Variants in PIAS1 observed in about 807,000 individuals in gnomAD.
The protein encoded by PIAS1 is protein inhibitor of activated STAT 1.
Under a neutral mutation model 71.3 loss-of-function variants are expected in PIAS1, and 6 were observed. The observed-to-expected ratio is 0.08, with a 90% CI of 0.05 to 0.17. PIAS1 has a LOEUF of 0.17. Among genes scored for constraint, PIAS1 ranks in the 10% least tolerant of loss-of-function variants. The probability of loss-of-function intolerance (pLI) is 1.00; values close to 1 mark genes in which losing one functional copy is unlikely to be tolerated. For synonymous variants in PIAS1, 303 were observed against 292.9 expected (o/e 1.03, Z -0.35); for missense variants, 555 against 793.6 (o/e 0.70, Z 3.61).
chr15:68,065,065 A>G (rs1158599876), intron 1 of PIAS1, among the ~76,000 whole-genome samples: 1 of 151,972 alleles, frequency 6.6e-6, no homozygotes, highest in East Asian at 1.9e-4. Context: ...TAAATGACAA[A>G]TCTTTTAAAG....
In PIAS1 at chr15:68,186,751, T is replaced by C. The variant is rs1174150953; in HGVS notation, c.1663-791T>C. Among the ~76,000 whole-genome samples, 1 of 152,258 alleles carries C rather than the reference T, an allele frequency of 6.6e-6. No individual in the cohort carries two copies. Among genetic ancestry groups the C allele is most frequent in the Non-Finnish European group, 1.5e-5 (1 of 68,044 alleles). On this transcript the variant is annotated intron_variant, in intron 13 of 13. Coordinates refer to ENST00000249636, the MANE Select transcript of PIAS1 (RefSeq NM_016166.3). The surrounding 1 kb of genome is among the most constrained non-coding windows in gnomAD (Gnocchi z 4.4). ...ACTGTACCTTTTCTATGTTGAGATA[T>C]ACACATACTTAGCATTGTGTTACAG...
chr15:68,068,015 T>C (rs376507036), intron 1 of PIAS1, among the ~76,000 whole-genome samples: 210 of 152,338 alleles, frequency 1.4e-3, no homozygotes, highest in African/African-American at 4.9e-3. Context: ...CCAAATTTAC[T>C]GTAGCATTCT....
chr15:68,057,760 A>T (rs2091912146), intron 1 of PIAS1, among the ~76,000 whole-genome samples: 1 of 152,288 alleles, frequency 6.6e-6, no homozygotes, highest in South Asian at 2.1e-4. Context: ...CCACATTTAG[A>T]TGGCTTTTGT....
At chr15:68,135,207 T>C (rs1249440851) in intron 2 of PIAS1, among the ~76,000 whole-genome samples, 1 of 28,614 alleles carries the variant, frequency 3.5e-5, no homozygotes, top group Non-Finnish European at 1.3e-4. Flanking sequence ...CCCCCCCACC[T>C]CCCTCCCGGA....
chr15:68,069,541 G>A (rs1442764923), intron 1 of PIAS1, among the ~76,000 whole-genome samples: 2 of 152,180 alleles, frequency 1.3e-5, no homozygotes, highest in East Asian at 1.9e-4. Flanking sequence ...GGTGGCTCAT[G>A]CCTGTAATCC....
At chr15:68,106,890 TC>T (rs2092475608) in intron 2 of PIAS1, among the ~76,000 whole-genome samples, 1 of 152,206 alleles carries the variant, frequency 6.6e-6, no homozygotes. Flanking sequence ...GATCGCTGTT[TC>T]TTTGGTTGAA....
intron 1 of PIAS1, among the ~76,000 whole-genome samples, chr15:68,063,290 T>G (rs1231004500): frequency 6.6e-6 from 1 of 152,356 alleles, no homozygotes; most frequent in Non-Finnish European, 1.5e-5. Flanking sequence ...TATCTTGTGC[T>G]TTATGGTGAA....
chr15:68,183,030 C>T (rs560450241), intron 12 of PIAS1, among the ~76,000 whole-genome samples: 1 of 152,296 alleles, frequency 6.6e-6, no homozygotes, highest in South Asian at 2.1e-4. Context: ...TTGGAAGGGG[C>T]CTCCTTGCAG....
chr15:68,144,248 T>C (rs951404479), intron 4 of PIAS1, among the ~76,000 whole-genome samples: 4 of 152,114 alleles, frequency 2.6e-5, no homozygotes, highest in African/African-American at 9.7e-5. Context: ...TAGTGTATTA[T>C]TTAAGTTAGG....
At chr15:68,162,005 A>G (rs1357329193) in intron 7 of PIAS1, among the ~76,000 whole-genome samples, 2 of 151,970 alleles carry the variant, frequency 1.3e-5, no homozygotes, top group East Asian at 4.0e-4. Context: ...AATGGCAGCA[A>G]TTTCAGCTCA....
chr15:68,183,555 T>A, intron 12 of PIAS1, 75 bp from the exon 13 acceptor site: 5 of 656,680 alleles, frequency 7.6e-6, no homozygotes, highest in Non-Finnish European at 1.4e-5. Flanking sequence ...TTGTATTTGT[T>A]TTTGAAGTAT....
At chr15:68,156,963 G>C (rs1383765004) in intron 7 of PIAS1, among the ~76,000 whole-genome samples, 1 of 152,214 alleles carries the variant, frequency 6.6e-6, no homozygotes, top group African/African-American at 2.4e-5. Flanking sequence ...GTATACGTAA[G>C]AGATGATAAT....
In PIAS1 at chr15:68,112,817, G is replaced by A. The variant is rs117575708; in HGVS notation, c.469+26067G>A. On this transcript the variant is annotated intron_variant, in intron 2 of 13. Coordinates refer to ENST00000249636, the MANE Select transcript of PIAS1 (RefSeq NM_016166.3). ...TTACAAGAGCTTTAAAATTGTGTTC[G>A]TCTTTTGACTTGCCCATTCTGTTTC... Among the ~76,000 whole-genome samples the A allele has an allele frequency of 4.2e-3, 632 of 149,466 alleles. 4 individuals carry two copies. The highest frequency in any genetic ancestry group is 6.8e-3 in the Non-Finnish European group (458 of 67,436).
At chr15:68,110,544 C>G (rs2092514506) in intron 2 of PIAS1, among the ~76,000 whole-genome samples, 1 of 152,040 alleles carries the variant, frequency 6.6e-6, no homozygotes, top group South Asian at 2.1e-4. Flanking sequence ...TGCAGTGAGG[C>G]AAGATCGCAC....
At position 68,153,450 on chromosome 15, in the gene PIAS1, C is replaced by A. The variant is rs893276843; in HGVS notation, c.829-140C>A. On this transcript the variant is annotated intron_variant, in intron 6 of 13. Transcript: ENST00000249636. ...GGTCAGGATTAAATGAATTACTGTT[C>A]ATGAAAACACCTAAGACTGCTTGAC... 17 of 534,082 alleles carry A rather than the reference C, an allele frequency of 3.2e-5. No homozygotes were observed. In the East Asian group the frequency reaches 5.2e-4, roughly 16 times the overall value. The allele number at this position is 534,082 out of a possible 1,614,324, so 33.1% of individuals were successfully genotyped here.
chr15:68,098,279 AC>A (rs1357082216), intron 2 of PIAS1, among the ~76,000 whole-genome samples: 2 of 152,242 alleles, frequency 1.3e-5, no homozygotes, highest in Non-Finnish European at 2.9e-5. Context: ...CTGTATTCTT[AC>A]AGCAAAGTAA....
chr15:68,067,831 GCCTT>G (rs1322045558), intron 1 of PIAS1, among the ~76,000 whole-genome samples: 1 of 152,066 alleles, frequency 6.6e-6, no homozygotes, highest in Non-Finnish European at 1.5e-5. Context: ...AAACCTTGAG[GCCTT>G]CCTTTGTGCA....
At chr15:68,125,428 G>A (rs1474653930) in intron 2 of PIAS1, among the ~76,000 whole-genome samples, 4 of 151,980 alleles carry the variant, frequency 2.6e-5, no homozygotes, top group Non-Finnish European at 5.9e-5. Flanking sequence ...TATTTCATAG[G>A]CCCATGTCCT....
intron 7 of PIAS1, among the ~76,000 whole-genome samples, chr15:68,163,519 T>G (rs1403792737): frequency 1.3e-5 from 2 of 151,974 alleles, no homozygotes; most frequent in Non-Finnish European, 2.9e-5. Flanking sequence ...GCTCTGTAGG[T>G]AGGTCTGATG....
Sources: allele counts gnomAD v4.1 joint callset (sites outside exome capture counted in the v4.1 genomes callset), GRCh38; gene constraint gnomAD v4.1.1; non-coding constraint Gnocchi (gnomAD v3.1); transcripts MANE v1.5; gene names NCBI Gene and HGNC (gene_info 2026-07-23, HGNC 2026-07-21).